The following RADIL variants were observed in gnomAD, a reference collection of about 807,000 sequenced individuals.
The protein encoded by RADIL is ras-associating and dilute domain-containing protein.
RADIL carries 99 observed loss-of-function variants against 97.6 expected under a neutral mutation model. That is an observed-to-expected ratio of 1.01 (90% CI 0.86 to 1.20). The LOEUF (loss-of-function observed/expected upper bound fraction) is 1.20. RADIL is among the 50% of genes most tolerant of loss of function. RADIL has a pLI of 0.00. For synonymous variants in RADIL, 803 were observed against 691.8 expected, an observed-to-expected ratio of 1.16 and a Z score of -2.52; for missense variants, 1,765 against 1,498.9, an observed-to-expected ratio of 1.18 and a Z score of -2.93.
chr7:4,859,346 C>T (rs1016559618), intron 2 of RADIL: 1 of 152,932 alleles, frequency 6.5e-6, no homozygotes, highest in African/African-American at 2.4e-5. Flanking sequence ...GCATATTTTC[C>T]CAACAATGCA....
intron 13 of RADIL, 56 bp downstream of exon 13, chr7:4,800,115 A>ACAGG: frequency 1.3e-6 from 2 of 1,556,710 alleles, no homozygotes; most frequent in Non-Finnish European, 1.7e-6. Context: ...GCTTGCATGA[A>ACAGG]CAGGCGGGGC....
At chr7:4,805,848 C>T (rs1782288736) in intron 9 of RADIL, 132 bp from the exon 10 acceptor site, 17 of 1,406,864 alleles carry the variant, frequency 1.2e-5, no homozygotes, top group Non-Finnish European at 2.8e-6. Flanking sequence ...CACCAGGGGC[C>T]ATCTGTGAGG....
rs1159263418 is a variant in RADIL, at chr7:4,832,777, C to T, written c.1417-599G>A. Among the ~76,000 whole-genome samples the T allele has an allele frequency of 2.0e-5, 3 of 151,336 alleles. No homozygotes were observed. The East Asian group carries it at 5.8e-4, about 29-fold the overall frequency. ...AAAAAAAAAAAAGAATTATTCTTGC[C>T]TTAGTAGTAAGTTATTATCCGGCTG... On this transcript the variant is annotated intron_variant, in intron 4 of 14. Coordinates refer to ENST00000399583, the MANE Select transcript of RADIL (RefSeq NM_018059.5).
chr7:4,813,314 C>A lies in RADIL; in HGVS notation c.2139+1964G>T, dbSNP rs1431256670. On this transcript the variant is annotated intron_variant, in intron 9 of 14. Transcript: ENST00000399583. This position sits in a 1 kb window ranked among gnomAD's most constrained non-coding sequence, Gnocchi z 5.0. ...GTTTCCACTGGGGGCCTGGTGTTTA[C>A]TTCCCAAGGGGTCCTGGACTCGTCA... Among the ~76,000 whole-genome samples the A allele has an allele frequency of 1.3e-5, 2 of 152,176 alleles. No individual in the cohort carries two copies. Among genetic ancestry groups the A allele is most frequent in the Admixed American group, 6.5e-5 (1 of 15,272 alleles).
In RADIL at chr7:4,815,967, G is replaced by A. The variant is rs533277226; in HGVS notation, c.1966+261C>T. ...GATGCCCTGAGCCCGTTCCCTCCCT[G>A]TCACGGGGAAGGGGTCCCATGCAGA... On this transcript the variant is annotated intron_variant, in intron 8 of 14. Transcript: ENST00000399583. This position sits in a 1 kb window ranked among gnomAD's most constrained non-coding sequence, Gnocchi z 8.0. Among the ~76,000 whole-genome samples, 2 of 152,294 alleles carry A rather than the reference G, an allele frequency of 1.3e-5. No homozygotes were observed. Among genetic ancestry groups the A allele is most frequent in the East Asian group, 1.9e-4 (1 of 5,168 alleles).
chr7:4,831,927 A>T (rs576557409), intron 5 of RADIL, among the ~76,000 whole-genome samples: 1 of 152,288 alleles, frequency 6.6e-6, no homozygotes, highest in African/African-American at 2.4e-5. Flanking sequence ...TCACCCATCC[A>T]GTCTTAAGGG....
intron 2 of RADIL, among the ~76,000 whole-genome samples, chr7:4,875,891 A>C (rs1306824893): frequency 6.6e-6 from 1 of 152,138 alleles, no homozygotes; most frequent in Non-Finnish European, 1.5e-5. Context: ...ACCAAATCCC[A>C]GAAGTGGCGA....
rs764458419 is a variant in RADIL at position 4,860,552 on chromosome 7, T to C, written c.535+17053A>G. The C allele has an allele frequency of 3.5e-5, 57 of 1,614,122 alleles. 1 individual carries two copies. In the Middle Eastern group the frequency reaches 4.9e-4, roughly 14 times the overall value. On this transcript the variant is annotated intron_variant, in intron 2 of 14. Transcript: ENST00000399583. ...ATTTTCTTTGGGTGCTGGAAATGAC[T>C]GTGGATTCACATGTGCCAGTGTAAT...
chr7:4,862,893 G>A (rs1784050591), intron 2 of RADIL, among the ~76,000 whole-genome samples: 1 of 128,906 alleles, frequency 7.8e-6, no homozygotes, highest in Non-Finnish European at 1.6e-5. Context: ...GTGAAACTCT[G>A]TCTCAAAAAA....
rs1782268203 is a variant in RADIL at position 4,805,362 on chromosome 7, C to T, written c.2290+204G>A. 3 of 535,564 alleles carry T rather than the reference C, an allele frequency of 5.6e-6. No homozygotes were observed. The Admixed American group carries it at 1.1e-4, about 19-fold the overall frequency. 33.2% of individuals were successfully genotyped at this position (535,564 alleles called of 1,614,324 possible). A position where few individuals can be genotyped will look rare whatever the true frequency, so the allele number is the denominator to read the frequency against. On this transcript the variant is annotated intron_variant, in intron 10 of 14. Transcript: ENST00000399583. ...GCATGGACTCTCGGCTCCTTGACTC[C>T]CCCGCCGAGGAGGTCCCCGGATCCC... is the stretch of plus-strand genomic sequence containing the variant.
At chr7:4,841,133 A>T (rs1783428942) in intron 2 of RADIL, among the ~76,000 whole-genome samples, 1 of 152,200 alleles carries the variant, frequency 6.6e-6, no homozygotes, top group African/African-American at 2.4e-5. Context: ...TGAAGGAGAC[A>T]CCTCCAGGCT....
chr7:4,853,603 A>G (rs1436122277), intron 2 of RADIL, among the ~76,000 whole-genome samples: 2 of 152,042 alleles, frequency 1.3e-5, no homozygotes, highest in Non-Finnish European at 2.9e-5. Flanking sequence ...TTAGCCAGGC[A>G]TAGTGGTGGG....
intron 9 of RADIL, chr7:4,809,022 C>CAG: frequency 4.0e-6 from 3 of 744,606 alleles, no homozygotes; most frequent in South Asian, 6.8e-5. Flanking sequence ...CACTGCCCCC[C>CAG]CTTGTCCCCT....
intron 2 of RADIL, among the ~76,000 whole-genome samples, chr7:4,851,765 C>A (rs1411123301): frequency 6.6e-6 from 1 of 152,144 alleles, no homozygotes; most frequent in Non-Finnish European, 1.5e-5. Context: ...AAAAAAAGAA[C>A]CAGGACTGGA....
chr7:4,799,992 CA>C (rs200848143), intron 13 of RADIL, among the ~76,000 whole-genome samples, 178 bp downstream of exon 13: 3,897 of 152,288 alleles, frequency 0.026, 60 homozygotes, highest in African/African-American at 0.031. Flanking sequence ...ACAGCAGGCC[CA>C]GGGGGCGTGG....
At position 4,824,310 on chromosome 7, in the gene RADIL, C is replaced by A. The variant is rs545561590; in HGVS notation, c.1455-1756G>T. Among the ~76,000 whole-genome samples the A allele has an allele frequency of 6.6e-6, 1 of 152,354 alleles. No individual in the cohort carries two copies. The highest frequency in any genetic ancestry group is 1.5e-5 in the Non-Finnish European group (1 of 68,036). On this transcript the variant is annotated intron_variant, in intron 5 of 14. Transcript: ENST00000399583. The surrounding 1 kb of genome is among the most constrained non-coding windows in gnomAD (Gnocchi z 6.7). The stretch of plus-strand genomic sequence containing the variant: ...TCCCGGGGCAGAGCCAGGCTCAAGG[C>A]TGGACGGCCGTCAGAGTGACCATCG...
chr7:4,850,035 G>A (rs781617793), intron 2 of RADIL, among the ~76,000 whole-genome samples: 10 of 151,682 alleles, frequency 6.6e-5, no homozygotes, highest in Non-Finnish European at 1.2e-4. Context: ...AGAGTGTTTC[G>A]TCTACACCAA....
In RADIL at chr7:4,840,428, C is replaced by A. The variant is rs1783411107; in HGVS notation, c.536-3823G>T. Among the ~76,000 whole-genome samples the A allele has an allele frequency of 6.6e-6, 1 of 152,116 alleles. No homozygotes were observed. The highest frequency in any genetic ancestry group is 2.1e-4 in the South Asian group (1 of 4,816). On this transcript the variant is annotated intron_variant, in intron 2 of 14. Coordinates refer to ENST00000399583, the MANE Select transcript of RADIL (RefSeq NM_018059.5). This position sits in a 1 kb window ranked among gnomAD's most constrained non-coding sequence, Gnocchi z 5.6. Reference sequence around the variant, plus strand: ...TCCCTCGTGATGCTGACCCCAGCCACCTTCAGAAGCATCGCATGGCGCCAT... The same window carrying A: ...TCCCTCGTGATGCTGACCCCAGCCAACTTCAGAAGCATCGCATGGCGCCAT...
intron 2 of RADIL, among the ~76,000 whole-genome samples, chr7:4,856,719 C>G (rs1783841414): frequency 1.3e-5 from 2 of 152,138 alleles, no homozygotes; most frequent in African/African-American, 2.4e-5. Context: ...TTTGATATAG[C>G]AAGAGGTTAA....
Sources: gnomAD v4.1 joint callset for allele counts (sites outside exome capture counted in the v4.1 genomes callset) on GRCh38, gnomAD v4.1.1 for gene constraint, Gnocchi (gnomAD v3.1) non-coding constraint, MANE v1.5 for transcripts, NCBI Gene and HGNC (gene_info 2026-07-23, HGNC 2026-07-21) for gene names.